Variants in SCHIP1 observed in about 807,000 individuals in gnomAD.
SCHIP1 encodes schwannomin-interacting protein 1.
A neutral mutation model predicts 29.7 loss-of-function variants in SCHIP1; 8 were observed. The observed-to-expected ratio is 0.27, with a 90% CI of 0.16 to 0.49. SCHIP1 has a LOEUF of 0.49. Ranked by LOEUF, SCHIP1 falls within the 20% of genes least tolerant of loss-of-function variation. The pLI, the probability that SCHIP1 is intolerant of heterozygous loss-of-function variation, is 0.99. For synonymous variants in SCHIP1, 76 were observed against 94.9 expected, an observed-to-expected ratio of 0.80 and a Z score of 1.16; for missense variants, 193 against 294.6, an observed-to-expected ratio of 0.66 and a Z score of 2.52.
At chr3:159,888,009 G>T in intron 4 of SCHIP1, 104 bp downstream of exon 5, 13 of 1,470,814 alleles carry the variant, frequency 8.8e-6, no homozygotes, top group Non-Finnish European at 1.2e-5. Flanking sequence ...TTTCTCTAAG[G>T]CGGTTTGTAA....
the SCHIP1 span, among the ~76,000 whole-genome samples, chr3:159,288,047 GGTGGCATATGGT>G: frequency 6.6e-6 from 1 of 152,154 alleles, no homozygotes; most frequent in Non-Finnish European, 1.5e-5. Context: ...ATGTGCTAGA[GGTGGCATATGGT>G]GTCCGATTTG....
chr3:159,705,704 G>T, the SCHIP1 span, among the ~76,000 whole-genome samples: 1 of 151,760 alleles, frequency 6.6e-6, no homozygotes, highest in Non-Finnish European at 1.5e-5. Flanking sequence ...TATGACTTTT[G>T]TTTGTTTGTT....
the SCHIP1 span, among the ~76,000 whole-genome samples, chr3:159,644,033 T>C: frequency 1.3e-5 from 2 of 152,034 alleles, no homozygotes; most frequent in Non-Finnish European, 2.9e-5. Context: ...GTTGTCAATG[T>C]CCATCTTAAA....
the SCHIP1 span, among the ~76,000 whole-genome samples, chr3:159,589,151 T>C: frequency 2.8e-4 from 42 of 152,242 alleles, no homozygotes; most frequent in South Asian, 1.5e-3. Context: ...TGAGCAGTGG[T>C]TTGTGGTTTT....
the SCHIP1 span, among the ~76,000 whole-genome samples, chr3:159,371,944 CTAT>C: frequency 1.5e-3 from 227 of 152,206 alleles, no homozygotes; most frequent in African/African-American, 5.2e-3. Context: ...TGTATATGTA[CTAT>C]TATTTACCTG....
At chr3:159,297,152 G>A in the SCHIP1 span, among the ~76,000 whole-genome samples, 4 of 147,928 alleles carry the variant, frequency 2.7e-5, no homozygotes, top group East Asian at 5.9e-4. Flanking sequence ...GTGTGTGTGT[G>A]TGTGTGTGTG....
chr3:159,416,659 G>A, the SCHIP1 span, among the ~76,000 whole-genome samples: 2 of 152,108 alleles, frequency 1.3e-5, no homozygotes, highest in African/African-American at 2.4e-5. Context: ...ACATCCTTGA[G>A]TAAATTTAAA....
At chr3:159,586,679 CT>C in the SCHIP1 span, among the ~76,000 whole-genome samples, 2 of 152,110 alleles carry the variant, frequency 1.3e-5, no homozygotes, top group Non-Finnish European at 2.9e-5. Flanking sequence ...GCCTCTGCCC[CT>C]GGGTTGGCTA....
the SCHIP1 span, among the ~76,000 whole-genome samples, chr3:159,402,279 C>T: frequency 6.6e-6 from 1 of 152,096 alleles, no homozygotes; most frequent in Non-Finnish European, 1.5e-5. Context: ...AGTCAGGAAA[C>T]AACAGGTGCT....
chr3:159,393,811 C>T, the SCHIP1 span, among the ~76,000 whole-genome samples: 1 of 151,750 alleles, frequency 6.6e-6, no homozygotes, highest in East Asian at 1.9e-4. Flanking sequence ...TTTTTTGGTT[C>T]CATATGAACT....
chr3:159,637,157 T>C, the SCHIP1 span, among the ~76,000 whole-genome samples: 2 of 152,218 alleles, frequency 1.3e-5, no homozygotes, highest in South Asian at 2.1e-4. Context: ...ATATTTTTCA[T>C]TGTTCTTTAA....
chr3:159,860,343 C>T (rs768236961), intron 1 of SCHIP1, among the ~76,000 whole-genome samples: 18 of 152,130 alleles, frequency 1.2e-4, no homozygotes, highest in Non-Finnish European at 2.4e-4. Context: ...AGATCTCCTG[C>T]AAAACCTCTA....
intron 4 of SCHIP1, chr3:159,888,280 G>C (rs1239662627): frequency 1.1e-5 from 3 of 264,902 alleles, no homozygotes; most frequent in Non-Finnish European, 2.2e-5. Flanking sequence ...ATATCACATA[G>C]TGAATAGGAG....
the SCHIP1 span, among the ~76,000 whole-genome samples, chr3:159,704,896 C>CTTTA: frequency 0.019 from 1,439 of 74,088 alleles, 7 homozygotes; most frequent in Non-Finnish European, 0.024. Context: ...TTCTTTCTTT[C>CTTTA]TTTCTTTCTT....
the SCHIP1 span, among the ~76,000 whole-genome samples, chr3:159,507,057 C>T: frequency 6.6e-6 from 1 of 152,156 alleles, no homozygotes; most frequent in African/African-American, 2.4e-5. Context: ...TTACCTTGGG[C>T]AGTGTGGCCA....
the SCHIP1 span, among the ~76,000 whole-genome samples, chr3:159,747,466 C>T: frequency 7.2e-5 from 11 of 152,174 alleles, no homozygotes; most frequent in Middle Eastern, 3.4e-3. Context: ...TATATTTGGG[C>T]GAAAACTTAG....
the SCHIP1 span, among the ~76,000 whole-genome samples, chr3:159,802,181 T>C: frequency 1.3e-5 from 2 of 152,204 alleles, no homozygotes; most frequent in Non-Finnish European, 2.9e-5. Flanking sequence ...AGCTTATTTA[T>C]TTATTTTTAT....
At chr3:159,800,073 T>A in the SCHIP1 span, among the ~76,000 whole-genome samples, 2 of 152,138 alleles carry the variant, frequency 1.3e-5, no homozygotes, top group African/African-American at 4.8e-5. Context: ...ACATATTAAT[T>A]GAGTATCTAT....
At chr3:159,592,947 G>C in the SCHIP1 span, among the ~76,000 whole-genome samples, 1 of 152,146 alleles carries the variant, frequency 6.6e-6, no homozygotes, top group African/African-American at 2.4e-5. Context: ...CAAATTAACA[G>C]TTATCGAGCA....
Sources: allele counts gnomAD v4.1 joint callset (sites outside exome capture counted in the v4.1 genomes callset), GRCh38; gene constraint gnomAD v4.1.1; transcripts MANE v1.5; gene names NCBI Gene and HGNC (gene_info 2026-07-23, HGNC 2026-07-21).